TOPBP1: variants seen among roughly 807,000 people sequenced by gnomAD.
TOPBP1 encodes DNA topoisomerase II binding protein 1.
A neutral mutation model predicts 167.7 loss-of-function variants in TOPBP1; 28 were observed. The ratio of observed to expected loss-of-function variants is 0.17; its 90% CI spans 0.12 to 0.23. TOPBP1 has a LOEUF of 0.23. TOPBP1 is among the 10% of genes least tolerant of loss of function. The pLI, the probability that TOPBP1 is intolerant of heterozygous loss-of-function variation, is 1.00. For missense variants in TOPBP1, 1,554 were observed against 1,809.6 expected (o/e 0.86, Z 2.56); for synonymous variants, 598 against 611.4 (o/e 0.98, Z 0.32).
chr3:133,622,626 CAT>C (rs1235984536), intron 19 of TOPBP1, among the ~76,000 whole-genome samples: 1 of 152,066 alleles, frequency 6.6e-6, no homozygotes, highest in African/African-American at 2.4e-5. Context: ...AGAAACTCTT[CAT>C]ATGTCTTTTT....
intron 27 of TOPBP1, among the ~76,000 whole-genome samples, chr3:133,606,203 T>A (rs1350913580): frequency 6.6e-6 from 1 of 152,000 alleles, no homozygotes; most frequent in Non-Finnish European, 1.5e-5. Flanking sequence ...AAATAAATAA[T>A]AATATACAAA....
chr3:133,647,728 T>C (rs1291472366), intron 10 of TOPBP1, among the ~76,000 whole-genome samples: 3 of 151,976 alleles, frequency 2.0e-5, no homozygotes, highest in Non-Finnish European at 2.9e-5. Context: ...CTTCTAGGAA[T>C]TGAAAAATTA....
chr3:133,657,413 GCT>G (rs549890913), intron 4 of TOPBP1, among the ~76,000 whole-genome samples: 2 of 136,240 alleles, frequency 1.5e-5, no homozygotes, highest in East Asian at 4.2e-4. Flanking sequence ...ACGAAATCTT[GCT>G]CTGTCACCCA....
In TOPBP1 at chr3:133,618,436, A is replaced by G; in HGVS notation, c.3372-3T>C. ...CAGGTACTGTCTGACGAGACTGCCTAAGGAATAGAAGTGACAGTTTAAATA... is the reference window on the plus strand; with the variant it reads ...CAGGTACTGTCTGACGAGACTGCCTGAGGAATAGAAGTGACAGTTTAAATA... On this transcript the variant is annotated splice_polypyrimidine_tract_variant and splice_region_variant and intron_variant, in intron 20 of 27. Transcript: ENST00000260810. 6.2e-7 allele frequency: 1 copy of G among 1,609,234 alleles called. No homozygotes were observed. The highest frequency in any genetic ancestry group is 1.1e-5 in the South Asian group (1 of 90,946).
chr3:133,616,122 C>CTTT (rs200080685), intron 23 of TOPBP1, among the ~76,000 whole-genome samples: 2 of 141,280 alleles, frequency 1.4e-5, no homozygotes. Flanking sequence ...TTTCTTTTCC[C>CTTT]TTTTTTTTTT....
chr3:133,626,238 A>G (rs1266393140), intron 16 of TOPBP1, among the ~76,000 whole-genome samples: 1 of 152,222 alleles, frequency 6.6e-6, no homozygotes, highest in African/African-American at 2.4e-5. Flanking sequence ...AAACAGATGA[A>G]CCAGCCCATA....
chr3:133,644,468 CT>C, intron 10 of TOPBP1, 105 bp from the exon 11 acceptor site: 1 of 1,102,542 alleles, frequency 9.1e-7, no homozygotes. Flanking sequence ...TTTGACCATA[CT>C]TACAAAACTA....
At chr3:133,649,029 T>C (rs949149924) in intron 10 of TOPBP1, among the ~76,000 whole-genome samples, 1 of 152,162 alleles carries the variant, frequency 6.6e-6, no homozygotes, top group African/African-American at 2.4e-5. Context: ...ACTGAGGTGG[T>C]AGTCCACAGT....
At position 133,608,610 on chromosome 3, in the gene TOPBP1, T is replaced by C. The variant is rs1401177009; in HGVS notation, c.4350A>G (p.Gly1450=). The stretch of plus-strand genomic sequence containing the variant: ...GGGCAGCAGCTTCTGCTATATTAAC[T>C]CCTGAGTCATCTGGTTTCAGTTTAT... ...DLNKLKPDDS[G]VNIAEAAAQN... Residue 1450 remains glycine (G), a synonymous_variant, in exon 27 of 28, where the codon GGA becomes GGG. Transcript: ENST00000260810. 2 of 1,613,726 alleles carry C rather than the reference T, an allele frequency of 1.2e-6. No individual in the cohort carries two copies. Among genetic ancestry groups the C allele is most frequent in the Non-Finnish European group, 8.5e-7 (1 of 1,179,808 alleles).
At chr3:133,626,389 G>A (rs985842490) in intron 16 of TOPBP1, among the ~76,000 whole-genome samples, 1 of 152,130 alleles carries the variant, frequency 6.6e-6, no homozygotes, top group Non-Finnish European at 1.5e-5. Context: ...TAAGGTACAG[G>A]ATGCTGGAAA....
Position 133,655,973 on chromosome 3 carries a change from T to G in TOPBP1, c.546-487A>C, listed in dbSNP as rs575467997. 7.9e-5 allele frequency among the ~76,000 whole-genome samples: 12 copies of G among 152,066 alleles called. No homozygotes were observed. The South Asian group carries it at 2.1e-3, about 26-fold the overall frequency. ...ACATTGGGAATGAGAGTTGCTGACA[T>G]GGAGACATATTTGGGATATGCTGGA... On this transcript the variant is annotated intron_variant, in intron 5 of 27. Coordinates refer to ENST00000260810, the MANE Select transcript of TOPBP1 (RefSeq NM_007027.4).
intron 10 of TOPBP1, among the ~76,000 whole-genome samples, chr3:133,647,063 G>A (rs1346159086): frequency 6.6e-6 from 1 of 152,174 alleles, no homozygotes; most frequent in African/African-American, 2.4e-5. Flanking sequence ...TAGAGGTGAA[G>A]GAGAGTATAC....
At chr3:133,654,949 C>T (rs1236356114) in intron 6 of TOPBP1, among the ~76,000 whole-genome samples, 5 of 152,102 alleles carry the variant, frequency 3.3e-5, no homozygotes, top group Admixed American at 6.6e-5. Context: ...GTGGCTCATG[C>T]CTGTAATCCC....
Position 133,620,350 on chromosome 3 carries a change from T to G in TOPBP1, c.3179-3A>C. 2.5e-6 allele frequency: 4 copies of G among 1,611,890 alleles called. No homozygotes were observed. The highest frequency in any genetic ancestry group is 3.4e-6 in the Non-Finnish European group (4 of 1,179,224). On this transcript the variant is annotated splice_polypyrimidine_tract_variant and splice_region_variant and intron_variant, in intron 19 of 27. Transcript: ENST00000260810. Reference sequence around the variant, plus strand: ...CATCTCTAAGGTCTGTGTCAGAACTTGAAACAAACACAAATACACCATTCA... The same window carrying G: ...CATCTCTAAGGTCTGTGTCAGAACTGGAAACAAACACAAATACACCATTCA...
chr3:133,632,656 T>G (rs1413050665), intron 14 of TOPBP1, among the ~76,000 whole-genome samples: 1 of 152,178 alleles, frequency 6.6e-6, no homozygotes, highest in Non-Finnish European at 1.5e-5. Context: ...ACTAGTACCT[T>G]CCTCTACTTA....
chr3:133,645,865 A>G, intron 10 of TOPBP1, among the ~76,000 whole-genome samples: 1 of 152,080 alleles, frequency 6.6e-6, no homozygotes, highest in Non-Finnish European at 1.5e-5. Context: ...AAGCTCCCCT[A>G]GGGCCGGGCG....
intron 14 of TOPBP1, among the ~76,000 whole-genome samples, chr3:133,628,978 T>A (rs144814486): frequency 6.6e-6 from 1 of 152,250 alleles, no homozygotes; most frequent in East Asian, 1.9e-4. Context: ...TCCAGCAAAT[T>A]GGTTCAAAGA....
intron 10 of TOPBP1, among the ~76,000 whole-genome samples, chr3:133,646,996 T>C (rs1304513063): frequency 6.6e-6 from 1 of 152,176 alleles, no homozygotes; most frequent in Non-Finnish European, 1.5e-5. Flanking sequence ...CCCAGACCCT[T>C]GGAATGTAAA....
Position 133,638,159 on chromosome 3 carries a change from C to T in TOPBP1, c.2237G>A (p.Arg746Gln), listed in dbSNP as rs971468091. ...FLIENSTKEE[R>Q]SLETEITNGI... ...ATTTGTTATTTCTGTTTCCAAACTTCGTTCTAGAGATTTAAAATGAAAAGA... is the reference window on the plus strand; with the variant it reads ...ATTTGTTATTTCTGTTTCCAAACTTTGTTCTAGAGATTTAAAATGAAAAGA... The change falls in exon 14 of 28, where the codon CGA becomes CAA. Residue 746 changes from arginine (R) to glutamine (Q), a missense_variant. Around this residue, in one of 3 missense-constraint regions of TOPBP1, gnomAD observed 1,197 missense variants for 1,351.5 expected, o/e 0.89. Coordinates refer to ENST00000260810, the MANE Select transcript of TOPBP1 (RefSeq NM_007027.4). The T allele has an allele frequency of 6.8e-6, 11 of 1,611,888 alleles. No homozygotes were observed. Among genetic ancestry groups the T allele is most frequent in the African/African-American group, 4.0e-5 (3 of 74,782 alleles).
Sources: gnomAD v4.1 joint callset for allele counts (sites outside exome capture counted in the v4.1 genomes callset) on GRCh38, gnomAD v4.1.1 for gene constraint, gnomAD v4.1.1 regional missense constraint, MANE v1.5 for transcripts, NCBI Gene and HGNC (gene_info 2026-07-23, HGNC 2026-07-21) for gene names.